The following CHRM3 variants were observed in gnomAD, a reference collection of about 807,000 sequenced individuals.
CHRM3 encodes the protein cholinergic receptor muscarinic 3.
CHRM3 carries 11 observed loss-of-function variants against 41.8 expected under a neutral mutation model. The observed-to-expected ratio is 0.26, with a 90% CI of 0.17 to 0.44. The LOEUF is 0.44. CHRM3 is among the 20% of genes least tolerant of loss of function. CHRM3 has a pLI of 1.00. For missense variants in CHRM3, 571 were observed against 745.4 expected, an observed-to-expected ratio of 0.77 and a Z score of 2.72; for synonymous variants, 297 against 301.4, an observed-to-expected ratio of 0.99 and a Z score of 0.15.
intron 3 of CHRM3, among the ~76,000 whole-genome samples, chr1:239,623,483 GTTT>G (rs34689648): frequency 7.5e-6 from 1 of 133,498 alleles, no homozygotes; most frequent in Non-Finnish European, 1.6e-5. Context: ...TGGTGTATAA[GTTT>G]TTTTTTTTTT....
At chr1:239,759,188 T>G (rs1422422506) in intron 5 of CHRM3, among the ~76,000 whole-genome samples, 4 of 134,872 alleles carry the variant, frequency 3.0e-5, no homozygotes, top group South Asian at 5.2e-4. Context: ...TTTTGTTTTT[T>G]TTTTTTTTAG....
At chr1:239,688,724 T>A (rs61834820) in intron 5 of CHRM3, among the ~76,000 whole-genome samples, 5,943 of 134,522 alleles carry the variant, frequency 0.044, 249 homozygotes, top group African/African-American at 0.094. Flanking sequence ...TTATTCAATA[T>A]AATATATAAT....
intron 1 of CHRM3, among the ~76,000 whole-genome samples, chr1:239,480,767 C>T (rs1666797873): frequency 6.6e-6 from 1 of 151,918 alleles, no homozygotes; most frequent in Non-Finnish European, 1.5e-5. Flanking sequence ...ACCGTGTTAG[C>T]CAGGATGGTC....
chr1:239,651,975 G>A (rs959328982), intron 4 of CHRM3, among the ~76,000 whole-genome samples: 8 of 123,790 alleles, frequency 6.5e-5, no homozygotes, highest in South Asian at 2.8e-4. Context: ...TCTGTATTTC[G>A]CCAGTTTTTG....
At chr1:239,472,430 A>AGTGAT (rs1409586410) in intron 1 of CHRM3, among the ~76,000 whole-genome samples, 1 of 152,184 alleles carries the variant, frequency 6.6e-6, no homozygotes, top group Non-Finnish European at 1.5e-5. Flanking sequence ...TAATTAATAG[A>AGTGAT]GTGATGTGCC....
chr1:239,440,716 T>A lies in CHRM3; in HGVS notation c.-520-51993T>A, dbSNP rs117757196. Among the ~76,000 whole-genome samples, 25 of 152,350 alleles carry A rather than the reference T, an allele frequency of 1.6e-4. No individual in the cohort carries two copies. The East Asian group carries it at 4.8e-3, about 29-fold the overall frequency. On this transcript the variant is annotated intron_variant, in intron 1 of 6. Transcript: ENST00000676153. ...CATTACTCGACATTTATCAAATGAA[T>A]TATTTTTGTCAGAGAACAGGTCTGA...
At chr1:239,419,631 C>T (rs1271244902) in intron 1 of CHRM3, among the ~76,000 whole-genome samples, 2 of 152,158 alleles carry the variant, frequency 1.3e-5, no homozygotes, top group Admixed American at 1.3e-4. Flanking sequence ...GCAAAGCTCT[C>T]AGACTTGGGA....
At chr1:239,569,389 T>C (rs1297133451) in intron 3 of CHRM3, among the ~76,000 whole-genome samples, 1 of 152,174 alleles carries the variant, frequency 6.6e-6, no homozygotes, top group Non-Finnish European at 1.5e-5. Flanking sequence ...CATCAACTCA[T>C]CATATAATGA....
chr1:239,844,094 TTC>T (rs1405858476), intron 6 of CHRM3, among the ~76,000 whole-genome samples: 3 of 152,176 alleles, frequency 2.0e-5, no homozygotes, highest in East Asian at 1.9e-4. Context: ...ACTTAAAATT[TTC>T]TCTCTTAGCA....
intron 1 of CHRM3, among the ~76,000 whole-genome samples, chr1:239,460,903 T>A: frequency 6.6e-6 from 1 of 152,334 alleles, no homozygotes; most frequent in Non-Finnish European, 1.5e-5. Flanking sequence ...GAAACTTCCA[T>A]AGTTCCTCAT....
intron 5 of CHRM3, among the ~76,000 whole-genome samples, chr1:239,696,552 G>C (rs1660210115): frequency 6.6e-6 from 1 of 152,068 alleles, no homozygotes; most frequent in South Asian, 2.1e-4. Flanking sequence ...CAGGGCCAAA[G>C]TACAGTTTGA....
intron 6 of CHRM3, among the ~76,000 whole-genome samples, chr1:239,869,893 G>A (rs1676432119): frequency 6.6e-6 from 1 of 152,106 alleles, no homozygotes; most frequent in Admixed American, 6.5e-5. Context: ...AGGCACTGGG[G>A]AAAGAAGAAT....
At chr1:239,513,445 A>G (rs1170338876) in intron 2 of CHRM3, among the ~76,000 whole-genome samples, 1 of 152,126 alleles carries the variant, frequency 6.6e-6, no homozygotes, top group African/African-American at 2.4e-5. Flanking sequence ...CAATCAGTCA[A>G]GGATTTGGCC....
intron 1 of CHRM3, among the ~76,000 whole-genome samples, chr1:239,400,111 G>T (rs2102971779): frequency 6.6e-6 from 1 of 152,248 alleles, no homozygotes; most frequent in African/African-American, 2.4e-5. Flanking sequence ...GTTTCGCCAT[G>T]TTGGCCAGGC....
At chr1:239,607,561 T>C (rs1666486535) in intron 3 of CHRM3, among the ~76,000 whole-genome samples, 1 of 152,098 alleles carries the variant, frequency 6.6e-6, no homozygotes, top group Non-Finnish European at 1.5e-5. Flanking sequence ...TAAAAAAAAA[T>C]AAACAAACCC....
At chr1:239,472,660 G>C (rs1666203249) in intron 1 of CHRM3, among the ~76,000 whole-genome samples, 1 of 151,868 alleles carries the variant, frequency 6.6e-6, no homozygotes, top group Non-Finnish European at 1.5e-5. Flanking sequence ...TCACTTATAA[G>C]TGGGAGCTGA....
chr1:239,831,122 A>G (rs1672863687), intron 6 of CHRM3, among the ~76,000 whole-genome samples: 1 of 152,186 alleles, frequency 6.6e-6, no homozygotes, highest in Non-Finnish European at 1.5e-5. Flanking sequence ...ATTGCTTAGA[A>G]GAAAGAGCAC....
At chr1:239,669,380 C>A (rs10802789) in intron 4 of CHRM3, among the ~76,000 whole-genome samples, 1 of 151,916 alleles carries the variant, frequency 6.6e-6, no homozygotes, top group African/African-American at 2.4e-5. Context: ...TTTCTCTACA[C>A]GTTGTTGTTT....
chr1:239,566,327 T>C (rs1306527578), intron 3 of CHRM3, among the ~76,000 whole-genome samples: 1 of 152,210 alleles, frequency 6.6e-6, no homozygotes, highest in Non-Finnish European at 1.5e-5. Context: ...TTAACCAGTT[T>C]AAGTGAATTA....
Sources: allele counts gnomAD v4.1 joint callset (sites outside exome capture counted in the v4.1 genomes callset), GRCh38; gene constraint gnomAD v4.1.1; transcripts MANE v1.5; gene names NCBI Gene and HGNC (gene_info 2026-07-23, HGNC 2026-07-21).